ANK2: variants seen among roughly 807,000 people sequenced by gnomAD.
ANK2 encodes ankyrin-2.
In ANK2, 83 loss-of-function variants were observed where a neutral mutation model predicts 360.5. The ratio of observed to expected loss-of-function variants is 0.23; its 90% CI spans 0.19 to 0.28. The LOEUF is 0.28. Ranked by LOEUF, ANK2 falls within the 10% of genes least tolerant of loss-of-function variation. The pLI, the probability that ANK2 is intolerant of heterozygous loss-of-function variation, is 1.00. For synonymous variants in ANK2, 1,740 were observed against 1,759.5 expected (o/e 0.99, Z 0.28); for missense variants, 4,201 against 4,795.7 (o/e 0.88, Z 3.66).
intron 1 of ANK2, among the ~76,000 whole-genome samples, chr4:112,878,086 G>A (rs1000467040): frequency 1.3e-5 from 2 of 152,060 alleles, no homozygotes; most frequent in African/African-American, 2.4e-5. Context: ...AAGCTTGTGA[G>A]TTTGAAACCT....
At chr4:113,093,870 T>A (rs1315457142) in intron 1 of ANK2, among the ~76,000 whole-genome samples, 1 of 152,210 alleles carries the variant, frequency 6.6e-6, no homozygotes, top group Non-Finnish European at 1.5e-5. Flanking sequence ...CCCTTTTATG[T>A]TAGTAGAGTC....
intron 2 of ANK2, among the ~76,000 whole-genome samples, chr4:112,998,039 A>G (rs1208381298): frequency 6.6e-6 from 1 of 151,984 alleles, no homozygotes; most frequent in Admixed American, 6.6e-5. Flanking sequence ...GTGGTCCTAA[A>G]TGAGATGGTC....
intron 1 of ANK2, among the ~76,000 whole-genome samples, chr4:112,863,302 A>G (rs2150129730): frequency 6.6e-6 from 1 of 152,242 alleles, no homozygotes; most frequent in East Asian, 1.9e-4. Context: ...TATGGGTAGT[A>G]GAGATGTTGG....
intron 1 of ANK2, chr4:113,117,239 G>C (rs1042368798): frequency 6.6e-6 from 3 of 453,308 alleles, no homozygotes; most frequent in African/African-American, 4.0e-5. Context: ...TGGATTGCTG[G>C]GGAGTGGAAA....
chr4:113,175,914 T>G (rs773558584), intron 2 of ANK2, among the ~76,000 whole-genome samples: 2 of 152,236 alleles, frequency 1.3e-5, no homozygotes, highest in Non-Finnish European at 2.9e-5. Context: ...GGGAAAGGCA[T>G]TCTGCTGTGG....
chr4:113,330,390 A>T lies in ANK2; in HGVS notation c.3045A>T (p.Ala1015=), dbSNP rs1588357219. Reference sequence around the variant, plus strand: ...GACTGGTCAAGCGCCACAGACTGGCAACAATGCCTCCAATGGTGGAAGGAG... The same window carrying T: ...GACTGGTCAAGCGCCACAGACTGGCTACAATGCCTCCAATGGTGGAAGGAG... ...TCRLVKRHRL[A]TMPPMVEGEG... The change falls in exon 27 of 46, where the codon GCA becomes GCT. Residue 1015 remains alanine, a synonymous_variant. Transcript: ENST00000357077. 1 of 1,614,138 alleles carries T rather than the reference A, an allele frequency of 6.2e-7. No individual in the cohort carries two copies. Among genetic ancestry groups the T allele is most frequent in the Non-Finnish European group, 8.5e-7 (1 of 1,180,054 alleles).
chr4:112,977,496 TTACTC>T (rs1299916300), intron 2 of ANK2, among the ~76,000 whole-genome samples: 1 of 151,904 alleles, frequency 6.6e-6, no homozygotes, highest in Admixed American at 6.6e-5. Context: ...ATATCCACCT[TTACTC>T]AATTCTCCTT....
chr4:113,001,186 C>G lies in ANK2; in HGVS notation c.21+96672C>G, dbSNP rs181734800. On this transcript the variant is annotated intron_variant, in intron 2 of 30. Transcript: ENST00000503271. ...GCTCTACTAAAAAGACAAAAATTAG[C>G]CGGGCATGTTGGCAGGTGCCTGTAA... Among the ~76,000 whole-genome samples, 1,164 of 152,018 alleles carry G rather than the reference C, an allele frequency of 7.7e-3. 17 individuals carry two copies. Among genetic ancestry groups the G allele is most frequent in the African/African-American group, 0.027 (1,114 of 41,458 alleles).
chr4:113,067,400 T>A (rs1179602714), intron 1 of ANK2, among the ~76,000 whole-genome samples: 1 of 152,118 alleles, frequency 6.6e-6, no homozygotes, highest in Non-Finnish European at 1.5e-5. Flanking sequence ...TACTAGCAAC[T>A]GACCTAGCTA....
At chr4:112,893,998 A>AAAAAC (rs1243253502) in intron 1 of ANK2, among the ~76,000 whole-genome samples, 10 of 152,190 alleles carry the variant, frequency 6.6e-5, no homozygotes, top group Non-Finnish European at 1.2e-4. Context: ...CTCCGTTTCA[A>AAAAAC]AAAACAAAAC....
chr4:112,710,591 G>A, the ANK2 span, among the ~76,000 whole-genome samples: 9 of 152,010 alleles, frequency 5.9e-5, no homozygotes, highest in Admixed American at 3.3e-4. Flanking sequence ...CCAGCTACCC[G>A]GGAGGCTGAG....
At chr4:112,998,556 A>G (rs966633605) in intron 2 of ANK2, among the ~76,000 whole-genome samples, 3 of 152,206 alleles carry the variant, frequency 2.0e-5, no homozygotes, top group Non-Finnish European at 1.5e-5. Context: ...ACTGCTGCAT[A>G]TTTGAAACAT....
At chr4:113,011,410 AT>A (rs1344346150) in intron 2 of ANK2, among the ~76,000 whole-genome samples, 1 of 152,130 alleles carries the variant, frequency 6.6e-6, no homozygotes, top group African/African-American at 2.4e-5. Flanking sequence ...ATACAAATTT[AT>A]TTAATGTGAC....
intron 45 of ANK2, chr4:113,375,089 T>C (rs949038494): frequency 1.1e-5 from 3 of 267,078 alleles, no homozygotes; most frequent in Non-Finnish European, 1.8e-5. Flanking sequence ...GAACTCCTGT[T>C]TGAATAACTT....
At chr4:112,819,728 CAT>C (rs1489493384) in intron 1 of ANK2, among the ~76,000 whole-genome samples, 7 of 152,128 alleles carry the variant, frequency 4.6e-5, no homozygotes, top group African/African-American at 1.7e-4. Context: ...AAAATGAAGA[CAT>C]AGAGAAATGG....
chr4:113,367,928 T>C, intron 42 of ANK2, 77 bp downstream of exon 42: 1 of 1,547,984 alleles, frequency 6.5e-7, no homozygotes, highest in Non-Finnish European at 8.9e-7. Context: ...TATATAAGCA[T>C]AACTAGTTTT....
chr4:113,190,576 G>C (rs1262267995), intron 2 of ANK2, among the ~76,000 whole-genome samples: 2 of 151,572 alleles, frequency 1.3e-5, no homozygotes, highest in African/African-American at 4.8e-5. Flanking sequence ...TTAAAAAATA[G>C]AGCTAATGAG....
At chr4:113,066,829 G>C (rs2075776248) in intron 1 of ANK2, among the ~76,000 whole-genome samples, 1 of 152,116 alleles carries the variant, frequency 6.6e-6, no homozygotes, top group African/African-American at 2.4e-5. Flanking sequence ...AAGTAACTGA[G>C]CTTCTCTGTG....
At chr4:113,030,009 GA>G (rs879849673) in intron 2 of ANK2, among the ~76,000 whole-genome samples, 9 of 151,834 alleles carry the variant, frequency 5.9e-5, no homozygotes, top group Non-Finnish European at 1.2e-4. Flanking sequence ...TTTTCCACAT[GA>G]AAAGTTAATA....
Sources: gnomAD v4.1 joint callset for allele counts (sites outside exome capture counted in the v4.1 genomes callset) on GRCh38, gnomAD v4.1.1 for gene constraint, MANE v1.5 for transcripts, NCBI Gene and HGNC (gene_info 2026-07-23, HGNC 2026-07-21) for gene names.